PIP5K1A: variants seen among roughly 807,000 people sequenced by gnomAD.
PIP5K1A encodes the protein phosphatidylinositol 4-phosphate 5-kinase type-1 alpha.
Under a neutral mutation model 72.9 loss-of-function variants are expected in PIP5K1A, and 46 were observed. That is an observed-to-expected ratio of 0.63 (90% CI 0.50 to 0.81). The LOEUF (loss-of-function observed/expected upper bound fraction) is 0.81, where lower values mean the gene tolerates loss of function less well. Among genes scored for constraint, PIP5K1A ranks in the 30% least tolerant of loss-of-function variants. The pLI is 0.00. For synonymous variants in PIP5K1A, 228 were observed against 255.1 expected (o/e 0.89, Z 1.01); for missense variants, 458 against 706.1 (o/e 0.65, Z 3.98).
chr1:151,226,430 G>T (rs923613952), intron 3 of PIP5K1A, among the ~76,000 whole-genome samples: 2 of 152,042 alleles, frequency 1.3e-5, no homozygotes, highest in Non-Finnish European at 2.9e-5. Context: ...ACTCACCTTT[G>T]GTTGGGTGCA....
At chr1:151,227,462 C>A in intron 4 of PIP5K1A, 62 bp downstream of exon 4, 1 of 1,079,000 alleles carries the variant, frequency 9.3e-7, no homozygotes, top group South Asian at 1.3e-5. Context: ...TCTGGGAACT[C>A]AGTCTCCTTG....
intron 1 of PIP5K1A, among the ~76,000 whole-genome samples, chr1:151,210,352 G>GTT (rs749410222): frequency 1.5e-4 from 22 of 144,096 alleles, no homozygotes; most frequent in South Asian, 2.2e-4. Flanking sequence ...CCACACTGCT[G>GTT]TTTTTTTTTT....
At chr1:151,238,660 G>A (rs1248139818) in intron 10 of PIP5K1A, 1 of 254,630 alleles carries the variant, frequency 3.9e-6, no homozygotes, top group East Asian at 1.0e-4. Context: ...TCTGTAAAAT[G>A]TATTAGACTG....
intron 12 of PIP5K1A, 91 bp from the exon 13 acceptor site, chr1:151,242,032 G>T: frequency 7.6e-7 from 1 of 1,319,268 alleles, no homozygotes; most frequent in Non-Finnish European, 1.1e-6. Flanking sequence ...CTTTGGGTGT[G>T]TGTTGGGGAT....
intron 4 of PIP5K1A, among the ~76,000 whole-genome samples, chr1:151,228,965 G>A (rs1394535623): frequency 1.3e-5 from 2 of 150,796 alleles, no homozygotes; most frequent in African/African-American, 4.9e-5. Flanking sequence ...GTCAGGAGTC[G>A]GAGACCAACC....
intron 3 of PIP5K1A, among the ~76,000 whole-genome samples, chr1:151,225,835 G>C (rs587659656): frequency 6.6e-6 from 1 of 151,294 alleles, no homozygotes; most frequent in African/African-American, 2.4e-5. Flanking sequence ...GGAGTGCAGT[G>C]GCATGATCTT....
upstream of PIP5K1A, among the ~76,000 whole-genome samples, chr1:151,197,267 G>GT (rs201417006): frequency 5.7e-3 from 853 of 150,774 alleles, 8 homozygotes; most frequent in African/African-American, 0.017. Context: ...TACAAAACCT[G>GT]TTTTTTTTGT....
intron 10 of PIP5K1A, 59 bp from the exon 11 acceptor site, chr1:151,239,071 G>A (rs1433175190): frequency 6.4e-6 from 8 of 1,258,436 alleles, no homozygotes; most frequent in Non-Finnish European, 9.3e-6. Context: ...AAAATATAAA[G>A]TTATTAAGGT....
intron 1 of PIP5K1A, among the ~76,000 whole-genome samples, chr1:151,205,563 T>G (rs1685814735): frequency 6.6e-6 from 1 of 151,576 alleles, no homozygotes. Context: ...TGCCAGCACT[T>G]TGGGAGGCCA....
At chr1:151,196,859 C>CTAAT (rs1684594892), upstream of PIP5K1A, among the ~76,000 whole-genome samples, 1 of 94,386 alleles carries the variant, frequency 1.1e-5, no homozygotes, top group Non-Finnish European at 2.2e-5. Flanking sequence ...CTGCGCCCGG[C>CTAAT]CTTTTTTTTT....
chr1:151,214,712 CAAG>C lies in PIP5K1A; in HGVS notation c.86-9532_86-9530del, dbSNP rs1426473452. On this transcript the variant is annotated intron_variant, in intron 1 of 15. Transcript: ENST00000368888. ...TTGCAAGTTAGTACCAAATTGCCCT[CAAG>C]GAGCGGAAGAGCCTCAAACAAAATC... is the stretch of plus-strand genomic sequence containing the variant. 7.9e-5 allele frequency among the ~76,000 whole-genome samples: 12 copies of C among 151,586 alleles called. No homozygotes were observed. The South Asian group carries it at 2.3e-3, about 29-fold the overall frequency.
chr1:151,233,950 T>C (rs1690492832), intron 7 of PIP5K1A, among the ~76,000 whole-genome samples: 1 of 152,144 alleles, frequency 6.6e-6, no homozygotes, highest in Non-Finnish European at 1.5e-5. Context: ...AAGAAATATA[T>C]CCATCTTATA....
chr1:151,216,266 G>C (rs933215691), intron 1 of PIP5K1A, among the ~76,000 whole-genome samples: 1 of 151,186 alleles, frequency 6.6e-6, no homozygotes, highest in Non-Finnish European at 1.5e-5. Flanking sequence ...GGAGAATGGC[G>C]TGAACCCGGG....
At chr1:151,213,179 G>A (rs587599707) in intron 1 of PIP5K1A, among the ~76,000 whole-genome samples, 37 of 152,234 alleles carry the variant, frequency 2.4e-4, no homozygotes, top group South Asian at 6.2e-4. Context: ...GTGAGCAACC[G>A]CGCCCGGCCT....
chr1:151,196,852 C>CAT, upstream of PIP5K1A, among the ~76,000 whole-genome samples: 1 of 128,552 alleles, frequency 7.8e-6, no homozygotes, highest in Non-Finnish European at 1.6e-5. Context: ...TGAGCCACTG[C>CAT]GCCCGGCCTT....
rs111916404 is a variant in PIP5K1A at position 151,232,928 on chromosome 1, G to A, written c.639+225G>A. On this transcript the variant is annotated intron_variant, in intron 7 of 15. Transcript: ENST00000368888. Reference sequence around the variant, plus strand: ...ATCCTGGCCAACATGGTGAAACCTCGTCTTTACTAAAAATACAAAAAATTA... The same window carrying A: ...ATCCTGGCCAACATGGTGAAACCTCATCTTTACTAAAAATACAAAAAATTA... 2.4e-4 allele frequency among the ~76,000 whole-genome samples: 37 copies of A among 151,998 alleles called. 1 individual carries two copies. The highest frequency in any genetic ancestry group is 8.0e-4 in the African/African-American group (33 of 41,472).
intron 1 of PIP5K1A, among the ~76,000 whole-genome samples, chr1:151,215,601 C>T (rs1687477202): frequency 2.0e-5 from 3 of 152,172 alleles, no homozygotes; most frequent in Admixed American, 6.6e-5. Context: ...GCTGGGATTA[C>T]AAGTTTGAGC....
rs187211487 is a variant in PIP5K1A, at chr1:151,209,421, C to T, written c.85+10340C>T. ...TAGTAGCTGGGATTACAGGCGCGTGCCACCATGCCTGGCTAATTTTTTTTT... is the reference window on the plus strand; with the variant it reads ...TAGTAGCTGGGATTACAGGCGCGTGTCACCATGCCTGGCTAATTTTTTTTT... On this transcript the variant is annotated intron_variant, in intron 1 of 15. Transcript: ENST00000368888. Among the ~76,000 whole-genome samples the T allele has an allele frequency of 5.9e-3, 897 of 151,068 alleles. 7 individuals are homozygous for T. The highest frequency in any genetic ancestry group is 0.01 in the Admixed American group (155 of 15,084).
chr1:151,232,493 T>C, intron 6 of PIP5K1A, 58 bp from the exon 7 acceptor site: 1 of 1,558,278 alleles, frequency 6.4e-7, no homozygotes, highest in Non-Finnish European at 8.8e-7. Context: ...AGTTGATTTT[T>C]GTGTTGGGCA....
Sources: allele counts gnomAD v4.1 joint callset (sites outside exome capture counted in the v4.1 genomes callset), GRCh38; gene constraint gnomAD v4.1.1; transcripts MANE v1.5; gene names NCBI Gene and HGNC (gene_info 2026-07-23, HGNC 2026-07-21).